The following RNF123 variants were observed in gnomAD, a reference collection of about 807,000 sequenced individuals.
RNF123 encodes E3 ubiquitin-protein ligase RNF123.
A neutral mutation model predicts 168.5 loss-of-function variants in RNF123; 86 were observed. The ratio of observed to expected loss-of-function variants is 0.51; its 90% CI spans 0.43 to 0.61. The LOEUF is 0.61. Among genes scored for constraint, RNF123 ranks in the 20% least tolerant of loss-of-function variants. RNF123 has a pLI of 0.00. For synonymous variants in RNF123, 666 were observed against 689.1 expected, an observed-to-expected ratio of 0.97 and a Z score of 0.52; for missense variants, 1,419 against 1,729.7, an observed-to-expected ratio of 0.82 and a Z score of 3.19.
chr3:49,718,768 C>T lies in RNF123; in HGVS notation c.3501-1743C>T, dbSNP rs1041933838. ...GGCGCTCAGGCCCCGCTGGTGCCAGCGCTGTAGCAGGTGGTAGAGGCGGCA... is the reference window on the plus strand; with the variant it reads ...GGCGCTCAGGCCCCGCTGGTGCCAGTGCTGTAGCAGGTGGTAGAGGCGGCA... On this transcript the variant is annotated intron_variant, in intron 35 of 38. Coordinates refer to ENST00000327697, the MANE Select transcript of RNF123 (RefSeq NM_022064.5). 1 of 1,613,280 alleles carries T rather than the reference C, an allele frequency of 6.2e-7. No individual in the cohort carries two copies. The highest frequency in any genetic ancestry group is 1.3e-5 in the African/African-American group (1 of 75,084).
At chr3:49,718,730 C>G in intron 35 of RNF123, 2 of 1,613,008 alleles carry the variant, frequency 1.2e-6, no homozygotes, top group Non-Finnish European at 1.7e-6. Context: ...TACTCGCGCG[C>G]AAAGTCGCGC....
intron 20 of RNF123, 88 bp downstream of exon 20, chr3:49,702,841 AGGCTGTG>A: frequency 1.3e-6 from 2 of 1,579,122 alleles, no homozygotes; most frequent in Non-Finnish European, 1.7e-6. Flanking sequence ...TGCTGAGCTG[AGGCTGTG>A]GGCTGTGGGG....
At position 49,699,523 on chromosome 3, in the gene RNF123, CGGGCACAGA is replaced by C; in HGVS notation, c.823_831del (p.Ala275_Arg277del). On this transcript the variant is annotated inframe_deletion, in exon 11 of 39. Coordinates refer to ENST00000327697, the MANE Select transcript of RNF123 (RefSeq NM_022064.5). The surrounding 1 kb of genome is among the most constrained non-coding windows in gnomAD (Gnocchi z 4.8). ...GGACCCACCGAGTGCTGACCTGGTG[CGGGCACAGA>C]GGTTGCTGGGCTGCTTCCGGGCAGT... The C allele has an allele frequency of 6.2e-7, 1 of 1,612,496 alleles. No homozygotes were observed. Among genetic ancestry groups the C allele is most frequent in the Non-Finnish European group, 8.5e-7 (1 of 1,179,514 alleles).
intron 26 of RNF123, among the ~76,000 whole-genome samples, chr3:49,707,426 C>T (rs1349478145): frequency 6.6e-6 from 1 of 152,214 alleles, no homozygotes; most frequent in Non-Finnish European, 1.5e-5. Context: ...TGAGCCTCTG[C>T]CTTCTGAAGG....
At position 49,718,450 on chromosome 3, in the gene RNF123, A is replaced by G. The variant is rs755865197; in HGVS notation, c.3500+1973A>G. 8 of 1,612,972 alleles carry G rather than the reference A, an allele frequency of 5.0e-6. No individual in the cohort carries two copies. In the South Asian group the frequency reaches 8.8e-5, roughly 18 times the overall value. On this transcript the variant is annotated intron_variant, in intron 35 of 38. Coordinates refer to ENST00000327697, the MANE Select transcript of RNF123 (RefSeq NM_022064.5). ...CGCATGCTGCTCCTGTACGTTGCCT[A>G]TGGCCAAGCTGCCGTCGGCCAGCAC...
In RNF123 at chr3:49,706,772, C is replaced by T; in HGVS notation, c.2389-19C>T. 1.2e-6 allele frequency: 2 copies of T among 1,609,710 alleles called. No individual in the cohort carries two copies. Among genetic ancestry groups the T allele is most frequent in the East Asian group, 2.2e-5 (1 of 44,872 alleles). ...ATGGGGCCATGTCTTGATTGTCCTC[C>T]TTTCCCCTTGGGTGGCAGAGGAAGG... On this transcript the variant is annotated intron_variant, in intron 25 of 38. Coordinates refer to ENST00000327697, the MANE Select transcript of RNF123 (RefSeq NM_022064.5).
At chr3:49,719,078 C>A in intron 35 of RNF123, 1 of 1,613,782 alleles carries the variant, frequency 6.2e-7, no homozygotes, top group Non-Finnish European at 8.5e-7. Flanking sequence ...CCCAGCCCGT[C>A]GAGGTCGTGG....
intron 1 of RNF123, 57 bp from the exon 2 acceptor site, chr3:49,691,073 G>A: frequency 9.4e-7 from 1 of 1,063,188 alleles, no homozygotes; most frequent in East Asian, 2.4e-5. Flanking sequence ...CAGGACTGAG[G>A]TCAGGTGTGG....
chr3:49,709,030 C>T (rs760751551), intron 26 of RNF123, among the ~76,000 whole-genome samples: 35 of 152,076 alleles, frequency 2.3e-4, no homozygotes, highest in African/African-American at 2.4e-4. Flanking sequence ...TGCAATGGTG[C>T]GATCTCGGCT....
At chr3:49,704,557 C>T (rs1234727601) in intron 21 of RNF123, 93 bp from the exon 22 acceptor site, 26 of 1,073,958 alleles carry the variant, frequency 2.4e-5, no homozygotes, top group Non-Finnish European at 2.7e-6. Flanking sequence ...GGCCTCCTGC[C>T]CAGTGTGCTG....
intron 3 of RNF123, among the ~76,000 whole-genome samples, chr3:49,692,439 G>A (rs1161330328): frequency 6.6e-6 from 1 of 152,160 alleles, no homozygotes; most frequent in African/African-American, 2.4e-5. Context: ...TCACATCATG[G>A]TAAATGGGGT....
At chr3:49,719,306 C>T (rs549563192) in intron 35 of RNF123, 7 of 1,613,166 alleles carry the variant, frequency 4.3e-6, no homozygotes, top group East Asian at 2.2e-5. Flanking sequence ...GCTGGCACGT[C>T]CTGCAGCCCT....
Position 49,699,109 on chromosome 3 carries a change from T to C in RNF123, c.764+4T>C, listed in dbSNP as rs1462525418. The C allele has an allele frequency of 1.7e-5, 27 of 1,612,656 alleles. No individual in the cohort carries two copies. The highest frequency in any genetic ancestry group is 2.2e-5 in the Non-Finnish European group (26 of 1,179,760). On this transcript the variant is annotated splice_donor_region_variant and intron_variant, in intron 10 of 38. Transcript: ENST00000327697. The surrounding 1 kb of genome is among the most constrained non-coding windows in gnomAD (Gnocchi z 4.8). ...ACTTTGGCAGCCGTCCTCTGCGATATCATTTTGTGAAGATGGCTGTGGGCT... is the reference window on the plus strand; with the variant it reads ...ACTTTGGCAGCCGTCCTCTGCGATACCATTTTGTGAAGATGGCTGTGGGCT...
At chr3:49,707,312 C>T (rs1325973034) in intron 26 of RNF123, among the ~76,000 whole-genome samples, 1 of 152,214 alleles carries the variant, frequency 6.6e-6, no homozygotes, top group East Asian at 1.9e-4. Flanking sequence ...TCCCCACTCA[C>T]TCATTCACTT....
chr3:49,719,434 A>G (rs1257895431), intron 35 of RNF123: 2 of 1,613,472 alleles, frequency 1.2e-6, no homozygotes, highest in South Asian at 2.2e-5. Context: ...CAGCATGCAG[A>G]GCAGTGTCCC....
intron 35 of RNF123, chr3:49,718,261 A>T: frequency 6.2e-7 from 1 of 1,612,480 alleles, no homozygotes; most frequent in Non-Finnish European, 8.5e-7. Context: ...TGGGGCGAAC[A>T]GGTAGAGCAG....
At chr3:49,719,151 G>A (rs201142400) in intron 35 of RNF123, 2 of 1,613,588 alleles carry the variant, frequency 1.2e-6, no homozygotes, top group Non-Finnish European at 1.7e-6. Flanking sequence ...TGGCGTTGAC[G>A]AAGACGCCGC....
intron 24 of RNF123, 104 bp from the exon 25 acceptor site, chr3:49,705,878 C>A: frequency 2.0e-6 from 3 of 1,471,280 alleles, no homozygotes; most frequent in African/African-American, 1.4e-5. Context: ...CCGCCCTGGG[C>A]CTAAGGTTGG....
rs373223445 is a variant in RNF123, at chr3:49,714,249, A to T, written c.3010+75A>T. On this transcript the variant is annotated intron_variant, in intron 31 of 38. Coordinates refer to ENST00000327697, the MANE Select transcript of RNF123 (RefSeq NM_022064.5). ...ACCTCCTACCCATGGGTTCTTTCAG[A>T]CTCTCCACTTCTTCCAGCCCCTCTC... 1.4e-5 allele frequency: 18 copies of T among 1,314,676 alleles called. No individual in the cohort carries two copies. The African/African-American group carries it at 2.5e-4, about 18-fold the overall frequency. The allele number at this position is 1,314,676 out of a possible 1,614,324, so 81.4% of individuals were successfully genotyped here.
Sources: allele counts gnomAD v4.1 joint callset (sites outside exome capture counted in the v4.1 genomes callset), GRCh38; gene constraint gnomAD v4.1.1; non-coding constraint Gnocchi (gnomAD v3.1); transcripts MANE v1.5; gene names NCBI Gene and HGNC (gene_info 2026-07-23, HGNC 2026-07-21).